The following RBFOX1 variants were observed in gnomAD, a reference collection of about 807,000 sequenced individuals.
RBFOX1 encodes the protein RNA binding protein fox-1 homolog 1.
A neutral mutation model predicts 57.7 loss-of-function variants in RBFOX1; 8 were observed. That is an observed-to-expected ratio of 0.14 (90% CI 0.08 to 0.25). The LOEUF (loss-of-function observed/expected upper bound fraction) is 0.25, where lower values mean the gene tolerates loss of function less well. Ranked by LOEUF, RBFOX1 falls within the 10% of genes least tolerant of loss-of-function variation. The probability of loss-of-function intolerance (pLI) is 1.00; values close to 1 mark genes in which losing one functional copy is unlikely to be tolerated. For missense variants in RBFOX1, 611 were observed against 548.5 expected, an observed-to-expected ratio of 1.11 and a Z score of -1.14; for synonymous variants, 326 against 222.4, an observed-to-expected ratio of 1.47 and a Z score of -4.15.
chr16:6,582,336 A>T (rs575544638), intron 2 of RBFOX1, among the ~76,000 whole-genome samples: 2 of 152,374 alleles, frequency 1.3e-5, no homozygotes, highest in East Asian at 1.9e-4. Flanking sequence ...CTTATTTTCC[A>T]ACATGATAAA....
chr16:6,127,863 A>G (rs1381728580), intron 1 of RBFOX1, among the ~76,000 whole-genome samples: 6 of 152,138 alleles, frequency 3.9e-5, no homozygotes, highest in African/African-American at 1.4e-4. Context: ...CTTTTGTTGG[A>G]GAAAAGGGAA....
In RBFOX1 at chr16:7,113,952, TA is replaced by T. The variant is rs369050256; in HGVS notation, c.27+61862del. 3.7e-4 allele frequency among the ~76,000 whole-genome samples: 56 copies of T among 152,160 alleles called. No individual in the cohort carries two copies. The East Asian group carries it at 9.9e-3, about 27-fold the overall frequency. On this transcript the variant is annotated intron_variant, in intron 4 of 15. Coordinates refer to ENST00000550418, the MANE Select transcript of RBFOX1 (RefSeq NM_018723.4). ...TCCTAGAAGTAGAATACTTGAGCTT[TA>T]AAAAAAATCACTTGTGCCTTTTGCA... is the stretch of plus-strand genomic sequence containing the variant.
At chr16:6,141,773 G>A (rs1018289663) in intron 1 of RBFOX1, among the ~76,000 whole-genome samples, 1 of 152,048 alleles carries the variant, frequency 6.6e-6, no homozygotes, top group African/African-American at 2.4e-5. Flanking sequence ...TGGAGAAAAG[G>A]TGAAAGAACT....
chr16:6,677,364 C>G (rs970757464), intron 3 of RBFOX1, among the ~76,000 whole-genome samples: 2 of 152,140 alleles, frequency 1.3e-5, no homozygotes, highest in Admixed American at 6.5e-5. Context: ...AAACACACAT[C>G]AAGATGTAAA....
At chr16:7,248,872 A>G (rs914927598) in intron 4 of RBFOX1, among the ~76,000 whole-genome samples, 13 of 152,210 alleles carry the variant, frequency 8.5e-5, no homozygotes, top group Admixed American at 7.2e-4. Flanking sequence ...TATCCTACCT[A>G]TATACATAAC....
chr16:5,587,277 A>G (rs1275317859), intron 2 of RBFOX1, among the ~76,000 whole-genome samples: 1 of 152,254 alleles, frequency 6.6e-6, no homozygotes, highest in Non-Finnish European at 1.5e-5. Flanking sequence ...AAGTGTCCGA[A>G]TAGACATTCC....
chr16:5,575,158 A>G lies in RBFOX1; in HGVS notation c.259-23744A>G, dbSNP rs142664141. Among the ~76,000 whole-genome samples, 114 of 152,274 alleles carry G rather than the reference A, an allele frequency of 7.5e-4. 2 individuals are homozygous for G. The highest frequency in any genetic ancestry group is 4.8e-3 in the Admixed American group (73 of 15,302). On this transcript the variant is annotated intron_variant, in intron 2 of 2. Transcript: ENST00000585867. ...GGGGATGGATTTCATTACAACTATG[A>G]TGCTTCTGTTACCCTAAACACACCC...
rs551820320 is a variant in RBFOX1 at position 6,930,669 on chromosome 16, C to T, written c.-15-121388C>T. ...AGGTGATCCGCCTGCCTTGGCCTCC[C>T]AAGTTGCTGGGATTACAGGTGTTAG... On this transcript the variant is annotated intron_variant, in intron 3 of 15. Transcript: ENST00000550418. 2.6e-5 allele frequency among the ~76,000 whole-genome samples: 4 copies of T among 152,268 alleles called. No homozygotes were observed. The South Asian group carries it at 8.3e-4, about 32-fold the overall frequency.
At chr16:5,537,520 G>A (rs1207154845) in intron 2 of RBFOX1, among the ~76,000 whole-genome samples, 3 of 152,308 alleles carry the variant, frequency 2.0e-5, no homozygotes, top group Middle Eastern at 3.4e-3. Context: ...CTGGAGGGGG[G>A]AATCTGTTTC....
intron 2 of RBFOX1, among the ~76,000 whole-genome samples, chr16:6,576,590 C>G (rs912760790): frequency 1.3e-5 from 2 of 152,134 alleles, no homozygotes; most frequent in East Asian, 3.9e-4. Context: ...GTCCTCTGAA[C>G]CTTCTTTGAA....
At chr16:5,541,825 T>G (rs2044965311) in intron 2 of RBFOX1, among the ~76,000 whole-genome samples, 1 of 152,222 alleles carries the variant, frequency 6.6e-6, no homozygotes, top group South Asian at 2.1e-4. Flanking sequence ...ATAGGATTGG[T>G]TATTCCTCTC....
chr16:5,720,120 A>G (rs1023736981), intron 3 of RBFOX1, among the ~76,000 whole-genome samples: 2 of 152,078 alleles, frequency 1.3e-5, no homozygotes, highest in Non-Finnish European at 2.9e-5. Flanking sequence ...CATCTTAGTG[A>G]GTGTGAAGTA....
At chr16:6,311,816 C>G (rs894400945) in intron 1 of RBFOX1, among the ~76,000 whole-genome samples, 4 of 152,178 alleles carry the variant, frequency 2.6e-5, no homozygotes, top group Non-Finnish European at 5.9e-5. Context: ...CTTCAGTGCA[C>G]TTCCTGTCTA....
intron 2 of RBFOX1, among the ~76,000 whole-genome samples, chr16:6,446,111 C>T (rs987241137): frequency 3.9e-5 from 6 of 152,106 alleles, no homozygotes; most frequent in Non-Finnish European, 8.8e-5. Context: ...AATACATGCA[C>T]GTGCCACCTA....
chr16:5,962,186 T>C (rs2059763488), intron 4 of RBFOX1, among the ~76,000 whole-genome samples: 1 of 152,216 alleles, frequency 6.6e-6, no homozygotes, highest in Non-Finnish European at 1.5e-5. Flanking sequence ...TCATATATAG[T>C]TGGTCAAAAC....
At chr16:6,728,668 A>T (rs1047934329) in intron 3 of RBFOX1, among the ~76,000 whole-genome samples, 1 of 152,178 alleles carries the variant, frequency 6.6e-6, no homozygotes, top group African/African-American at 2.4e-5. Context: ...GAATAATTCA[A>T]ATAGCAATAA....
intron 4 of RBFOX1, among the ~76,000 whole-genome samples, chr16:7,092,994 C>A (rs1019198955): frequency 6.6e-6 from 1 of 152,194 alleles, no homozygotes; most frequent in African/African-American, 2.4e-5. Flanking sequence ...TTGCCTCTGG[C>A]AGTCAAAGGA....
At chr16:6,927,668 T>C (rs1179306002) in intron 3 of RBFOX1, among the ~76,000 whole-genome samples, 1 of 152,086 alleles carries the variant, frequency 6.6e-6, no homozygotes, top group African/African-American at 2.4e-5. Context: ...GATGTCAGCA[T>C]CACCTGCTGC....
chr16:5,453,532 C>T (rs2068492591), intron 1 of RBFOX1, among the ~76,000 whole-genome samples: 1 of 152,040 alleles, frequency 6.6e-6, no homozygotes, highest in Non-Finnish European at 1.5e-5. Flanking sequence ...AGGAAATGAC[C>T]CCACATGGGT....
Sources: allele counts gnomAD v4.1 joint callset (sites outside exome capture counted in the v4.1 genomes callset), GRCh38; gene constraint gnomAD v4.1.1; transcripts MANE v1.5; gene names NCBI Gene and HGNC (gene_info 2026-07-23, HGNC 2026-07-21).